The following ZNF737 variants were observed in gnomAD, a reference collection of about 807,000 sequenced individuals.
ZNF737 encodes zinc finger protein 102 (Y3).
ZNF737 carries 13 observed loss-of-function variants against 11.7 expected under a neutral mutation model. The ratio of observed to expected loss-of-function variants is 1.11; its 90% CI spans 0.73 to 1.77. ZNF737 has a LOEUF of 1.77. Ranked by LOEUF, ZNF737 falls within the 40% of genes most tolerant of loss-of-function variation. ZNF737 has a pLI of 0.00. For missense variants in ZNF737, 636 were observed against 638.0 expected (o/e 1.00, Z 0.03); for synonymous variants, 217 against 216.2 (o/e 1.00, Z -0.03).
At chr19:20,548,985 T>TAAAAAAAAAAAAC in intron 3 of ZNF737, among the ~76,000 whole-genome samples, 1 of 72,772 alleles carries the variant, frequency 1.4e-5, no homozygotes, top group African/African-American at 6.7e-5. Flanking sequence ...AAAAAACAAT[T>TAAAAAAAAAAAAC]ATGTATCTTT....
Position 20,543,061 on chromosome 19 carries a change from C to T in ZNF737, c.*1531G>A, listed in dbSNP as rs144909492. On this transcript the variant is annotated 3_prime_UTR_variant, in exon 4 of 4. Transcript: ENST00000427401. ...TGATTTAGTGTAATGTCTGAAGTGT[C>T]GGGGCCTTAGTTATTCTACTGTAAA... is the stretch of plus-strand genomic sequence containing the variant. 3,305 of 984,624 alleles carry T rather than the reference C, an allele frequency of 3.4e-3. 8 individuals are homozygous for T. Among genetic ancestry groups the T allele is most frequent in the Middle Eastern group, 4.7e-3 (9 of 1,910 alleles). The allele number at this position is 984,624 out of a possible 1,614,324, so 61.0% of individuals were successfully genotyped here. A position where few individuals can be genotyped will look rare whatever the true frequency, so the allele number is the denominator to read the frequency against.
chr19:20,533,900 G>A (rs1967889406), downstream of ZNF737, among the ~76,000 whole-genome samples: 1 of 150,170 alleles, frequency 6.7e-6, no homozygotes. Context: ...TTCACTGATT[G>A]AAATCACCTG....
chr19:20,565,571 C>G, intron 1 of ZNF737, 67 bp downstream of exon 1: 2 of 1,613,432 alleles, frequency 1.2e-6, no homozygotes, highest in South Asian at 2.2e-5. Context: ...AGTCCCGCCA[C>G]AGCCACTTCC....
Position 20,542,134 on chromosome 19 carries a change from TG to T in ZNF737, c.*2457del. On this transcript the variant is annotated 3_prime_UTR_variant, in exon 4 of 4. Transcript: ENST00000427401. ...ATTGTACCTACACCCTTGAGTAAAG[TG>T]GGATACAGTTAGTGGCACAATAATG... 3 of 985,220 alleles carry T rather than the reference TG, an allele frequency of 3.0e-6. No homozygotes were observed. The highest frequency in any genetic ancestry group is 3.6e-6 in the Non-Finnish European group (3 of 829,798). The allele number at this position is 985,220 out of a possible 1,614,324, so 61.0% of individuals were successfully genotyped here. A position where few individuals can be genotyped will look rare whatever the true frequency, so the allele number is the denominator to read the frequency against.
At position 20,540,343 on chromosome 19, in the gene ZNF737, T is replaced by C. The variant is rs781933921; in HGVS notation, c.*4249A>G. On this transcript the variant is annotated 3_prime_UTR_variant, in exon 4 of 4. Transcript: ENST00000427401. ...ATGAGTAACCTAATTTCATAAGTGA[T>C]TTCCCACCACAGTCACACATTTTTT... Among the ~76,000 whole-genome samples, 4 of 152,268 alleles carry C rather than the reference T, an allele frequency of 2.6e-5. No individual in the cohort carries two copies. The highest frequency in any genetic ancestry group is 5.9e-5 in the Non-Finnish European group (4 of 68,030).
Position 20,546,282 on chromosome 19 carries a change from TAATA to T in ZNF737, c.227-310_227-307del, listed in dbSNP as rs1453468892. Among the ~76,000 whole-genome samples, 3 of 152,332 alleles carry T rather than the reference TAATA, an allele frequency of 2.0e-5. No individual in the cohort carries two copies. The East Asian group carries it at 5.8e-4, about 29-fold the overall frequency. On this transcript the variant is annotated intron_variant, in intron 3 of 3. Transcript: ENST00000427401. The stretch of plus-strand genomic sequence containing the variant: ...ACAGAGCTCTTCCTGCTCTCCAGTA[TAATA>T]TTGTGCCTTTAAAAGTAAATTTCCA...
In ZNF737 at chr19:20,543,776, A is replaced by AT. The variant is rs1260581063; in HGVS notation, c.*815dup. On this transcript the variant is annotated 3_prime_UTR_variant, in exon 4 of 4. Coordinates refer to ENST00000427401, the MANE Select transcript of ZNF737 (RefSeq NM_001159293.2). ...GAGGTGTTCGTAAAAGCAATGTCAC[A>AT]TTTTTTAGCTTTGCGGATTTCCTCT... The AT allele has an allele frequency of 4.1e-6, 4 of 985,256 alleles. No homozygotes were observed. The highest frequency in any genetic ancestry group is 4.8e-6 in the Non-Finnish European group (4 of 829,936). The allele number at this position is 985,256 out of a possible 1,614,324, so 61.0% of individuals were successfully genotyped here. A position where few individuals can be genotyped will look rare whatever the true frequency, so the allele number is the denominator to read the frequency against.
intron 1 of ZNF737, among the ~76,000 whole-genome samples, chr19:20,554,878 T>C (rs1362894744): frequency 7.1e-6 from 1 of 141,660 alleles, no homozygotes; most frequent in Non-Finnish European, 1.6e-5. Context: ...TTTTTTTTTT[T>C]TGAGGCAAAG....
At chr19:20,550,384 G>A (rs1379742348) in intron 3 of ZNF737, among the ~76,000 whole-genome samples, 1 of 152,134 alleles carries the variant, frequency 6.6e-6, no homozygotes, top group African/African-American at 2.4e-5. Context: ...AACTATGGGT[G>A]CCTACTAATT....
intron 3 of ZNF737, among the ~76,000 whole-genome samples, chr19:20,550,902 C>T (rs986742539): frequency 1.3e-5 from 2 of 152,184 alleles, no homozygotes; most frequent in Admixed American, 1.3e-4. Flanking sequence ...ATAGGGTTTA[C>T]CCAAGTTGGT....
chr19:20,534,317 C>T (rs1555753398), downstream of ZNF737, among the ~76,000 whole-genome samples: 28 of 149,888 alleles, frequency 1.9e-4, no homozygotes, highest in African/African-American at 2.5e-5. Flanking sequence ...TTGTGGGTGC[C>T]TGTAATACCA....
chr19:20,540,832 A>G lies in ZNF737; in HGVS notation c.*3760T>C. On this transcript the variant is annotated 3_prime_UTR_variant, in exon 4 of 4. Coordinates refer to ENST00000427401, the MANE Select transcript of ZNF737 (RefSeq NM_001159293.2). ...AAGATATCAACTGGATATAATAATT[A>G]ACTACTTTTTAGTTTTATTCATTAC... 1 of 924,192 alleles carries G rather than the reference A, an allele frequency of 1.1e-6. No individual in the cohort carries two copies. Among genetic ancestry groups the G allele is most frequent in the Non-Finnish European group, 1.3e-6 (1 of 774,498 alleles). 57.2% of individuals were successfully genotyped at this position (924,192 alleles called of 1,614,324 possible). A position where few individuals can be genotyped will look rare whatever the true frequency, so the allele number is the denominator to read the frequency against.
chr19:20,537,511 A>ATTTTTCTTT (rs1968021368), downstream of ZNF737, among the ~76,000 whole-genome samples: 1 of 77,088 alleles, frequency 1.3e-5, no homozygotes, highest in African/African-American at 4.9e-5. Context: ...CTGGTTTTCT[A>ATTTTTCTTT]TTTTTTTTTT....
At chr19:20,565,028 G>A (rs1969244093) in intron 1 of ZNF737, among the ~76,000 whole-genome samples, 1 of 150,142 alleles carries the variant, frequency 6.7e-6, no homozygotes, top group African/African-American at 2.5e-5. Flanking sequence ...TCCACCTCCG[G>A]AGTTCAAGCG....
In ZNF737 at chr19:20,538,973, G is replaced by A. The variant is rs1176269893; in HGVS notation, c.*5619C>T. The A allele has an allele frequency of 1.0e-6, 1 of 985,272 alleles. No homozygotes were observed. The highest frequency in any genetic ancestry group is 1.7e-5 in the African/African-American group (1 of 57,236). The allele number at this position is 985,272 out of a possible 1,614,324, so 61.0% of individuals were successfully genotyped here. ...AAAGCAAATCAGAGAAGAGCAATGT[G>A]TGTACATAATGTGCATTTTCCTGCC... On this transcript the variant is annotated 3_prime_UTR_variant, in exon 4 of 4. Coordinates refer to ENST00000427401, the MANE Select transcript of ZNF737 (RefSeq NM_001159293.2).
At chr19:20,564,626 T>C (rs191193158) in intron 1 of ZNF737, among the ~76,000 whole-genome samples, 138 of 150,228 alleles carry the variant, frequency 9.2e-4, no homozygotes, top group African/African-American at 3.1e-3. Flanking sequence ...ACTCCAGCTC[T>C]GGCGACAGAG....
downstream of ZNF737, among the ~76,000 whole-genome samples, chr19:20,533,331 A>G (rs1309855222): frequency 6.7e-6 from 1 of 149,908 alleles, no homozygotes; most frequent in Non-Finnish European, 1.5e-5. Context: ...TGTTTGTAGC[A>G]ATAGCTATCA....
chr19:20,545,397 G>C lies in ZNF737; in HGVS notation c.806C>G (p.Ser269Cys). ...CEECGKAFKR[S>C]SNLTTHKIIH... The stretch of plus-strand genomic sequence containing the variant: ...TATCTTATGTGTAGTAAGGTTAGAG[G>C]AGCGCTTAAAGGCCTTGCCACATTC... Residue 269 changes from serine to cysteine, a missense_variant, in exon 4 of 4, where the codon TCC (serine) becomes TGC (cysteine). Ser to Cys is a moderately radical substitution (Grantham distance 112, BLOSUM62 -1). Coordinates refer to ENST00000427401, the MANE Select transcript of ZNF737 (RefSeq NM_001159293.2). 1 of 1,612,902 alleles carries C rather than the reference G, an allele frequency of 6.2e-7. No homozygotes were observed. The highest frequency in any genetic ancestry group is 8.5e-7 in the Non-Finnish European group (1 of 1,179,690).
chr19:20,543,483 T>A lies in ZNF737; in HGVS notation c.*1109A>T. ...ATGCTTTTATTAAAAGGAAGATTTT[T>A]ATGTTGAGTTAGATGTGAGTAGGAA... On this transcript the variant is annotated 3_prime_UTR_variant, in exon 4 of 4. Transcript: ENST00000427401. The A allele has an allele frequency of 1.0e-6, 1 of 985,356 alleles. No homozygotes were observed. Among genetic ancestry groups the A allele is most frequent in the Non-Finnish European group, 1.2e-6 (1 of 829,758 alleles). 61.0% of individuals were successfully genotyped at this position (985,356 alleles called of 1,614,324 possible).
Sources: allele counts gnomAD v4.1 joint callset (sites outside exome capture counted in the v4.1 genomes callset), GRCh38; gene constraint gnomAD v4.1.1; transcripts MANE v1.5; gene names NCBI Gene and HGNC (gene_info 2026-07-23, HGNC 2026-07-21).